Variants in TTLL9 observed in about 807,000 individuals in gnomAD.
TTLL9 encodes tubulin tyrosine ligase like 9, also known as probable tubulin polyglutamylase TTLL9.
In TTLL9, 47 loss-of-function variants were observed where a neutral mutation model predicts 65.6. The ratio of observed to expected loss-of-function variants is 0.72; its 90% CI spans 0.57 to 0.91. TTLL9 has a LOEUF of 0.91. Ranked by LOEUF, TTLL9 falls within the 40% of genes least tolerant of loss-of-function variation. The pLI is 0.00. For missense variants in TTLL9, 537 were observed against 568.8 expected, an observed-to-expected ratio of 0.94 and a Z score of 0.57; for synonymous variants, 179 against 204.8, an observed-to-expected ratio of 0.87 and a Z score of 1.07.
At chr20:31,893,291 C>CTTTTTTTT (rs34875132) in intron 3 of TTLL9, among the ~76,000 whole-genome samples, 10 of 130,114 alleles carry the variant, frequency 7.7e-5, no homozygotes, top group Admixed American at 1.6e-4. Context: ...TGTTCTTTTT[C>CTTTTTTTT]TTTTTTTTTT....
chr20:31,942,977 C>T lies in TTLL9; in HGVS notation c.1276C>T (p.Gln426Ter), dbSNP rs748709933. The T allele has an allele frequency of 1.2e-6, 2 of 1,614,140 alleles. No individual in the cohort carries two copies. The highest frequency in any genetic ancestry group is 1.7e-6 in the Non-Finnish European group (2 of 1,180,018). The change falls in exon 15 of 15, where the codon CAG becomes TAG. Residue 426 changes from glutamine to a stop codon, truncating the protein, a stop_gained. Transcript: ENST00000535842. LOFTEE classifies it high-confidence loss of function. Reference protein sequence around the residue: ...CVNDRKKQLRQLFCSLQVQKK... With the variant: ...CVNDRKKQLR ...CAACGATCGGAAGAAACAACTGAGG[C>T]AGCTCTTCTGCTCCCTTCAAGTTCA...
intron 6 of TTLL9, among the ~76,000 whole-genome samples, chr20:31,915,829 A>G (rs2063726314): frequency 6.6e-6 from 1 of 151,430 alleles, no homozygotes; most frequent in African/African-American, 2.4e-5. Flanking sequence ...CCTGGTAAGT[A>G]TTGGCTGCTG....
At chr20:31,925,929 C>A in intron 9 of TTLL9, 120 bp from the exon 10 acceptor site, 1 of 1,556,190 alleles carries the variant, frequency 6.4e-7, no homozygotes. Flanking sequence ...TCTCCAACAC[C>A]CGCTTCACAC....
At chr20:31,923,234 C>T (rs1320178479) in intron 8 of TTLL9, among the ~76,000 whole-genome samples, 181 bp downstream of exon 8, 2 of 152,184 alleles carry the variant, frequency 1.3e-5, no homozygotes, top group East Asian at 1.9e-4. Context: ...TTCCCTCTGC[C>T]CGGCATGTCC....
chr20:31,940,004 G>T (rs2064178001), intron 14 of TTLL9: 1 of 152,092 alleles, frequency 6.6e-6, no homozygotes, highest in Non-Finnish European at 1.5e-5. Context: ...CTTATAATTG[G>T]ACATTTGGCA....
intron 3 of TTLL9, among the ~76,000 whole-genome samples, chr20:31,888,936 A>G (rs935142456): frequency 1.1e-4 from 16 of 152,034 alleles, no homozygotes; most frequent in African/African-American, 3.1e-4. Flanking sequence ...ACCACCTCCC[A>G]CCAGGCCCCA....
chr20:31,942,740 C>G (rs145902467), intron 14 of TTLL9, among the ~76,000 whole-genome samples: 2 of 152,330 alleles, frequency 1.3e-5, no homozygotes, highest in Non-Finnish European at 2.9e-5. Context: ...TCCTGGTTTA[C>G]AGATGAGAAG....
chr20:31,879,729 G>C (rs1164410941), intron 2 of TTLL9: 1 of 1,304,238 alleles, frequency 7.7e-7, no homozygotes, highest in African/African-American at 1.5e-5. Flanking sequence ...AGGTTCTGGT[G>C]GACCAGAGCC....
intron 2 of TTLL9, among the ~76,000 whole-genome samples, chr20:31,885,495 T>C (rs571554046): frequency 2.4e-3 from 369 of 152,186 alleles, no homozygotes; most frequent in Non-Finnish European, 3.0e-3. Flanking sequence ...GAAAATGGAA[T>C]TGAAAGCATG....
chr20:31,912,646 T>C (rs1403510795), intron 6 of TTLL9, among the ~76,000 whole-genome samples: 4 of 133,694 alleles, frequency 3.0e-5, no homozygotes, highest in Non-Finnish European at 4.9e-5. Context: ...TGTGTGTGTA[T>C]GTCTGTGTGT....
rs574809797 is a variant in TTLL9, at chr20:31,882,588, A to G, written c.70-4608A>G. On this transcript the variant is annotated intron_variant, in intron 2 of 14. Coordinates refer to ENST00000535842, the MANE Select transcript of TTLL9 (RefSeq NM_001008409.5). Reference sequence around the variant, plus strand: ...CTGTTTGTAGCCCATACAAGCAACTAAGCCACTTTTGAATCATTTTCTCAA... The same window carrying G: ...CTGTTTGTAGCCCATACAAGCAACTGAGCCACTTTTGAATCATTTTCTCAA... Among the ~76,000 whole-genome samples, 15 of 152,302 alleles carry G rather than the reference A, an allele frequency of 9.8e-5. No individual in the cohort carries two copies. In the South Asian group the frequency reaches 2.7e-3, roughly 27 times the overall value.
At chr20:31,936,866 C>G (rs1396186616) in intron 12 of TTLL9, among the ~76,000 whole-genome samples, 1 of 152,112 alleles carries the variant, frequency 6.6e-6, no homozygotes, top group Admixed American at 6.5e-5. Flanking sequence ...GAGGCTGAGG[C>G]GGGTGGATCA....
intron 2 of TTLL9, among the ~76,000 whole-genome samples, chr20:31,879,369 A>C (rs1468274090): frequency 6.6e-6 from 1 of 152,172 alleles, no homozygotes; most frequent in Non-Finnish European, 1.5e-5. Flanking sequence ...TAATCACTAA[A>C]AGGAAAAAGA....
At chr20:31,911,720 A>C (rs1293777771) in intron 6 of TTLL9, among the ~76,000 whole-genome samples, 1 of 152,190 alleles carries the variant, frequency 6.6e-6, no homozygotes, top group Admixed American at 6.5e-5. Flanking sequence ...TGGGAACAGC[A>C]CTTGCATATT....
chr20:31,877,500 A>G (rs1323423601), intron 2 of TTLL9, among the ~76,000 whole-genome samples: 2 of 152,160 alleles, frequency 1.3e-5, no homozygotes, highest in African/African-American at 4.8e-5. Context: ...ATAGTGCTTT[A>G]TTATTATTGT....
At chr20:31,925,894 C>T in intron 9 of TTLL9, 155 bp from the exon 10 acceptor site, 1 of 1,551,898 alleles carries the variant, frequency 6.4e-7, no homozygotes, top group Non-Finnish European at 8.7e-7. Flanking sequence ...GCGGGCCTGG[C>T]TCTACCGGGA....
chr20:31,883,847 A>G (rs1263917732), intron 2 of TTLL9, among the ~76,000 whole-genome samples: 2 of 152,198 alleles, frequency 1.3e-5, no homozygotes, highest in Admixed American at 6.5e-5. Context: ...TAAAAGCTGA[A>G]ATAGAGAATG....
intron 3 of TTLL9, among the ~76,000 whole-genome samples, chr20:31,895,813 GTATTTATTTATTTATTTATT>G (rs34278083): frequency 5.6e-4 from 83 of 148,062 alleles, no homozygotes; most frequent in Non-Finnish European, 8.8e-4. Flanking sequence ...GGTTATTCAT[GTATTTATTTATTTATTTATT>G]TATTTATTTA....
intron 6 of TTLL9, among the ~76,000 whole-genome samples, chr20:31,914,814 G>T (rs1487451210): frequency 6.6e-6 from 1 of 152,202 alleles, no homozygotes; most frequent in African/African-American, 2.4e-5. Context: ...ATCCCCTGGG[G>T]CTTAGTCACT....
Sources: allele counts gnomAD v4.1 joint callset (sites outside exome capture counted in the v4.1 genomes callset), GRCh38; gene constraint gnomAD v4.1.1; transcripts MANE v1.5; gene names NCBI Gene and HGNC (gene_info 2026-07-23, HGNC 2026-07-21).